The following DLGAP5 variants were observed in gnomAD, a reference collection of about 807,000 sequenced individuals.
DLGAP5 encodes DLG associated protein 5.
Under a neutral mutation model 99.6 loss-of-function variants are expected in DLGAP5, and 90 were observed. The ratio of observed to expected loss-of-function variants is 0.90; its 90% confidence interval spans 0.76 to 1.08. The LOEUF (loss-of-function observed/expected upper bound fraction) is 1.08. DLGAP5 is among the 50% of genes least tolerant of loss of function. The pLI, the probability that DLGAP5 is intolerant of heterozygous loss-of-function variation, is 0.00. For missense variants in DLGAP5, 1,036 were observed against 983.5 expected (o/e 1.05, Z -0.71); for synonymous variants, 311 against 321.3 (o/e 0.97, Z 0.34).
intron 14 of DLGAP5, 79 bp from the exon 15 acceptor site, chr14:55,154,885 TATCA>T: frequency 1.6e-6 from 2 of 1,251,898 alleles, no homozygotes; most frequent in Admixed American, 2.1e-5. Flanking sequence ...GTGAAAATCC[TATCA>T]ATTAGCCTCT....
rs1883524554 is a variant in DLGAP5, at chr14:55,189,105, A to G, written c.75T>C (p.His25=). The G allele has an allele frequency of 6.2e-7, 1 of 1,614,036 alleles. No homozygotes were observed. Among genetic ancestry groups the G allele is most frequent in the Non-Finnish European group, 8.5e-7 (1 of 1,179,986 alleles). ...STEMIRTKIA[H]RKSLSQKENR... ...TTTCTTTCTGAGACAGTGATTTCCT[A>G]TGAGCAATTTTAGTTCTAATCATTT... Residue 25 remains histidine (H), a synonymous_variant, in exon 2 of 19, where the codon CAT becomes CAC. Transcript: ENST00000247191.
At chr14:55,168,753 G>C (rs370873421) in intron 12 of DLGAP5, among the ~76,000 whole-genome samples, 1 of 151,964 alleles carries the variant, frequency 6.6e-6, no homozygotes, top group African/African-American at 2.4e-5. Flanking sequence ...AATACAATAC[G>C]GGCACACAAC....
At chr14:55,162,212 G>A (rs1594668172) in intron 13 of DLGAP5, among the ~76,000 whole-genome samples, 1 of 152,154 alleles carries the variant, frequency 6.6e-6, no homozygotes, top group African/African-American at 2.4e-5. Flanking sequence ...TACGACTGTT[G>A]TAAGGATTAA....
intron 10 of DLGAP5, among the ~76,000 whole-genome samples, chr14:55,174,941 G>A (rs537311074): frequency 2.6e-5 from 4 of 152,148 alleles, no homozygotes; most frequent in South Asian, 4.2e-4. Flanking sequence ...CACCCACCTC[G>A]GCCTCCCAAA....
At chr14:55,188,849 C>T in intron 2 of DLGAP5, 93 bp downstream of exon 2, 1 of 774,020 alleles carries the variant, frequency 1.3e-6, no homozygotes, top group Non-Finnish European at 2.0e-6. Flanking sequence ...TATTTCAAAA[C>T]TCTTCTGGCC....
intron 9 of DLGAP5, 59 bp downstream of exon 9, chr14:55,175,835 A>G: frequency 7.0e-7 from 1 of 1,430,336 alleles, no homozygotes; most frequent in Non-Finnish European, 9.3e-7. Context: ...ACCTGAAAGC[A>G]AAATATTTTT....
At chr14:55,166,385 G>A (rs1445555832) in intron 12 of DLGAP5, among the ~76,000 whole-genome samples, 1 of 152,204 alleles carries the variant, frequency 6.6e-6, no homozygotes, top group Non-Finnish European at 1.5e-5. Context: ...AGGTCTAGGA[G>A]TAGAAATGGG....
chr14:55,188,554 A>T (rs546164904), intron 2 of DLGAP5, among the ~76,000 whole-genome samples: 1 of 152,306 alleles, frequency 6.6e-6, no homozygotes, highest in South Asian at 2.1e-4. Context: ...TATAGATAAT[A>T]AAGTGTTATA....
chr14:55,162,629 AAAG>A (rs953204272), intron 13 of DLGAP5, among the ~76,000 whole-genome samples: 19 of 151,682 alleles, frequency 1.3e-4, no homozygotes, highest in Admixed American at 3.9e-4. Flanking sequence ...AAAAAAAAAA[AAAG>A]AAGAAGAAGA....
At chr14:55,156,332 T>C (rs750045797) in intron 14 of DLGAP5, among the ~76,000 whole-genome samples, 3 of 152,120 alleles carry the variant, frequency 2.0e-5, no homozygotes, top group African/African-American at 7.2e-5. Context: ...GTTTAGAGGA[T>C]ACCAGATACA....
At chr14:55,170,892 G>A (rs1436884906) in intron 10 of DLGAP5, 105 bp from the exon 11 acceptor site, 2 of 761,302 alleles carry the variant, frequency 2.6e-6, no homozygotes, top group African/African-American at 3.5e-5. Context: ...ATAAAAGGGA[G>A]CCACAATATT....
In DLGAP5 at chr14:55,152,640, T is replaced by A. The variant is rs747622834; in HGVS notation, c.2071A>T (p.Ile691Leu). 1 of 1,599,684 alleles carries A rather than the reference T, an allele frequency of 6.3e-7. No homozygotes were observed. The highest frequency in any genetic ancestry group is 8.5e-7 in the Non-Finnish European group (1 of 1,174,442). ...FLSIPESRSSIEDAQCPGLPD... is the reference protein window; with the variant it reads ...FLSIPESRSSLEDAQCPGLPD... ...AATCCAGGACACTGAGCATCTTCTA[T>A]GCTGCTCCTAAAGAAGAAAAAAAGC... The change falls in exon 16 of 19, where the codon ATA becomes TTA. Residue 691 changes from isoleucine to leucine, a missense_variant. Transcript: ENST00000247191.
At chr14:55,181,460 T>C (rs1883273910) in intron 4 of DLGAP5, among the ~76,000 whole-genome samples, 163 bp from the exon 5 acceptor site, 1 of 152,140 alleles carries the variant, frequency 6.6e-6, no homozygotes, top group Non-Finnish European at 1.5e-5. Context: ...AGAAAAGCTT[T>C]CCATTAAGCT....
intron 11 of DLGAP5, 149 bp from the exon 12 acceptor site, chr14:55,169,708 A>G (rs970867075): frequency 2.0e-5 from 12 of 608,816 alleles, no homozygotes; most frequent in Middle Eastern, 6.6e-4. Context: ...ACTTTGTCAT[A>G]CAAATACTGA....
chr14:55,191,327 G>A (rs958958143), intron 1 of DLGAP5, 136 bp downstream of exon 1: 6 of 152,822 alleles, frequency 3.9e-5, no homozygotes, highest in African/African-American at 1.4e-4. Context: ...TCAGCTTCGG[G>A]AAGGGCAGGT....
chr14:55,179,784 C>G (rs1883216868), intron 6 of DLGAP5, 85 bp from the exon 7 acceptor site: 1 of 1,094,964 alleles, frequency 9.1e-7, no homozygotes, highest in East Asian at 2.6e-5. Context: ...AAAGAAGCAA[C>G]AGTAGGAATA....
intron 4 of DLGAP5, among the ~76,000 whole-genome samples, chr14:55,181,848 G>T (rs1883287583): frequency 6.6e-6 from 1 of 151,932 alleles, no homozygotes; most frequent in African/African-American, 2.4e-5. Context: ...TGCCTTACAT[G>T]TAAGTTCCAC....
intron 7 of DLGAP5, among the ~76,000 whole-genome samples, chr14:55,177,663 A>C (rs1191754124): frequency 6.6e-6 from 1 of 151,040 alleles, no homozygotes; most frequent in Non-Finnish European, 1.5e-5. Context: ...TCAGCCTCCC[A>C]AGTAGCTGGG....
At chr14:55,169,344 A>T in intron 12 of DLGAP5, 55 bp downstream of exon 12, 3 of 330,790 alleles carry the variant, frequency 9.1e-6, no homozygotes, top group African/African-American at 1.6e-4. Context: ...CTGCTACTTA[A>T]AAAAAAAAAA....
Sources: allele counts gnomAD v4.1 joint callset (sites outside exome capture counted in the v4.1 genomes callset), GRCh38; gene constraint gnomAD v4.1.1; transcripts MANE v1.5; gene names NCBI Gene and HGNC (gene_info 2026-07-23, HGNC 2026-07-21).